TOR1A: variants seen among roughly 807,000 people sequenced by gnomAD.
The protein encoded by TOR1A is torsin family 1 member A.
Under a neutral mutation model 31.4 loss-of-function variants are expected in TOR1A, and 18 were observed. The ratio of observed to expected loss-of-function variants is 0.57; its 90% CI spans 0.40 to 0.85. The LOEUF (loss-of-function observed/expected upper bound fraction) is 0.85. Among genes scored for constraint, TOR1A ranks in the 40% least tolerant of loss-of-function variants. The pLI is 0.00. For synonymous variants in TOR1A, 168 were observed against 165.9 expected (o/e 1.01, Z -0.10); for missense variants, 375 against 416.4 (o/e 0.90, Z 0.87).
rs2030958697 is a variant in TOR1A, at chr9:129,813,791, C to G, written c.*181G>C. ...GGCTTCACGTCCTCGCCCGTGGTCC[C>G]TGGGTGGCCTGCAGGCACCAGGGGG... On this transcript the variant is annotated 3_prime_UTR_variant, in exon 5 of 5. Coordinates refer to ENST00000351698, the MANE Select transcript of TOR1A (RefSeq NM_000113.3). 1 of 921,510 alleles carries G rather than the reference C, an allele frequency of 1.1e-6. No individual in the cohort carries two copies. Among genetic ancestry groups the G allele is most frequent in the African/African-American group, 1.6e-5 (1 of 61,236 alleles). The allele number at this position is 921,510 out of a possible 1,614,324, so 57.1% of individuals were successfully genotyped here.
intron 4 of TOR1A, among the ~76,000 whole-genome samples, chr9:129,816,518 G>GA: frequency 6.6e-6 from 1 of 152,192 alleles, no homozygotes; most frequent in Non-Finnish European, 1.5e-5. Flanking sequence ...ATGTAGGATT[G>GA]ATAAGGGCAA....
In TOR1A at chr9:129,813,915, C is replaced by T; in HGVS notation, c.*57G>A. On this transcript the variant is annotated 3_prime_UTR_variant, in exon 5 of 5. Transcript: ENST00000351698. ...AGCTGGGGGTGGAAGTGTGGAAGGACTGAGTGTTGTTTCTTTTCCAACTCC... is the reference window on the plus strand; with the variant it reads ...AGCTGGGGGTGGAAGTGTGGAAGGATTGAGTGTTGTTTCTTTTCCAACTCC... 1 of 1,606,152 alleles carries T rather than the reference C, an allele frequency of 6.2e-7. No homozygotes were observed. The highest frequency in any genetic ancestry group is 1.3e-5 in the African/African-American group (1 of 74,990).
At position 129,813,300 on chromosome 9, in the gene TOR1A, G is replaced by A. The variant is rs1043866927; in HGVS notation, c.*672C>T. ...CCACAGCTCCCATTGTTGCTAAGGT[G>A]AAAACCCTTGGAGAGGCTGTTTCAG... On this transcript the variant is annotated 3_prime_UTR_variant, in exon 5 of 5. Coordinates refer to ENST00000351698, the MANE Select transcript of TOR1A (RefSeq NM_000113.3). The A allele has an allele frequency of 6.5e-6, 1 of 153,636 alleles. No individual in the cohort carries two copies. Among genetic ancestry groups the A allele is most frequent in the Non-Finnish European group, 1.4e-5 (1 of 69,150 alleles). 9.5% of individuals were successfully genotyped at this position (153,636 alleles called of 1,614,324 possible).
chr9:129,820,473 T>C (rs969192752), intron 2 of TOR1A, among the ~76,000 whole-genome samples: 1 of 152,182 alleles, frequency 6.6e-6, no homozygotes, highest in East Asian at 1.9e-4. Flanking sequence ...GTAGTTACCA[T>C]TGTGCTCCTT....
intron 2 of TOR1A, chr9:129,822,377 C>T: frequency 1.3e-6 from 1 of 741,796 alleles, no homozygotes; most frequent in Non-Finnish European, 2.3e-6. Flanking sequence ...GACCGATTTT[C>T]AGAACCCACC....
chr9:129,819,925 C>T lies in TOR1A; in HGVS notation c.445-1005G>A, dbSNP rs1481787540. ...CAGCCTGGGAGACAGAGCAAGACTCCGTCTCAAAAAAAAAAAATAATAATA... is the reference window on the plus strand; with the variant it reads ...CAGCCTGGGAGACAGAGCAAGACTCTGTCTCAAAAAAAAAAAATAATAATA... On this transcript the variant is annotated intron_variant, in intron 2 of 4. Transcript: ENST00000351698. 3.6e-5 allele frequency among the ~76,000 whole-genome samples: 5 copies of T among 138,140 alleles called. No individual in the cohort carries two copies. In the South Asian group the frequency reaches 6.8e-4, roughly 19 times the overall value. 90.6% of individuals were successfully genotyped at this position (138,140 alleles called of 152,430 possible).
chr9:129,818,522 T>C lies in TOR1A; in HGVS notation c.746A>G (p.Asn249Ser). ...ALSVSVFNNKNSGFWHSSLID... is the reference protein window; with the variant it reads ...ALSVSVFNNKSSGFWHSSLID... ...TGGCGGTGGATGGCCCTACTCACTG[T>C]TCTTGTTATTGAAAACCGACACAGA... Residue 249 changes from asparagine to serine, a missense_variant and splice_region_variant, in exon 4 of 5, where the codon AAC (asparagine) becomes AGC (serine). Asn to Ser is a conservative substitution (Grantham distance 46, BLOSUM62 1). Coordinates refer to ENST00000351698, the MANE Select transcript of TOR1A (RefSeq NM_000113.3). The C allele has an allele frequency of 6.2e-7, 1 of 1,614,098 alleles. No individual in the cohort carries two copies. The highest frequency in any genetic ancestry group is 8.5e-7 in the Non-Finnish European group (1 of 1,180,026).
At chr9:129,817,852 A>AAT (rs1554736273) in intron 4 of TOR1A, among the ~76,000 whole-genome samples, 1 of 148,666 alleles carries the variant, frequency 6.7e-6, no homozygotes, top group Non-Finnish European at 1.5e-5. Flanking sequence ...AAAAAAAAAA[A>AAT]AAAAAAAAAA....
intron 4 of TOR1A, among the ~76,000 whole-genome samples, chr9:129,815,387 C>T (rs969342788): frequency 6.6e-6 from 1 of 152,230 alleles, no homozygotes; most frequent in East Asian, 1.9e-4. Flanking sequence ...GTGCCAGGCA[C>T]GCCCTGGGCC....
chr9:129,815,640 T>C (rs2031017074), intron 4 of TOR1A, among the ~76,000 whole-genome samples: 2 of 152,186 alleles, frequency 1.3e-5, no homozygotes, highest in Admixed American at 1.3e-4. Context: ...AGTCATCTCC[T>C]GAGGACTCCC....
At position 129,822,694 on chromosome 9, in the gene TOR1A, C is replaced by A. The variant is rs755593280; in HGVS notation, c.331G>T (p.Val111Phe). ...HGWTGTGKNF[V>F]SKIIAENIYE... Reference sequence around the variant, plus strand: ...ATATTCTCTGCGATGATCTTGCTGACGAAATTTTTGCCGGTGCCTGTCCAC... The same window carrying A: ...ATATTCTCTGCGATGATCTTGCTGAAGAAATTTTTGCCGGTGCCTGTCCAC... Residue 111 changes from valine (V) to phenylalanine (F), a missense_variant, in exon 2 of 5, where the codon GTC becomes TTC. By Grantham distance (50) the Val-to-Phe change is conservative. Transcript: ENST00000351698. 6.2e-7 allele frequency: 1 copy of A among 1,614,174 alleles called. No homozygotes were observed. The highest frequency in any genetic ancestry group is 1.7e-5 in the Admixed American group (1 of 60,024).
At chr9:129,818,194 T>G (rs1157611745) in intron 4 of TOR1A, 2 of 394,532 alleles carry the variant, frequency 5.1e-6, no homozygotes, top group African/African-American at 4.2e-5. Context: ...TCCCAGCTAC[T>G]CAGGAGGCTG....
chr9:129,823,156 G>A lies in TOR1A; in HGVS notation c.179-310C>T, dbSNP rs1460128924. 9.0e-6 allele frequency: 4 copies of A among 446,258 alleles called. No individual in the cohort carries two copies. The Admixed American group carries it at 1.0e-4, about 12-fold the overall frequency. 27.6% of individuals were successfully genotyped at this position (446,258 alleles called of 1,614,324 possible). A position where few individuals can be genotyped will look rare whatever the true frequency, so the allele number is the denominator to read the frequency against. On this transcript the variant is annotated intron_variant, in intron 1 of 4. Transcript: ENST00000351698. ...GCTCCTCCCACCCCAAGGCAGAGCC[G>A]GGAAAGGAAACAGTTTGGTCCCTCC...
chr9:129,822,650 G>A lies in TOR1A; in HGVS notation c.375C>T (p.Asn125=), dbSNP rs2031212819. The A allele has an allele frequency of 2.5e-6, 4 of 1,614,220 alleles. No homozygotes were observed. The East Asian group carries it at 8.9e-5, about 36-fold the overall frequency. ...CCACAAACAGGTGGACATAGTCACTGTTCAGACCACCCTCGTAAATATTCT... is the reference window on the plus strand; with the variant it reads ...CCACAAACAGGTGGACATAGTCACTATTCAGACCACCCTCGTAAATATTCT... ...IAENIYEGGL[N]SDYVHLFVAT... is the part of the protein sequence containing the mutation. The change falls in exon 2 of 5, where the codon AAC becomes AAT. Residue 125 remains asparagine, a synonymous_variant. Transcript: ENST00000351698.
In TOR1A at chr9:129,822,792, A is replaced by G; in HGVS notation, c.233T>C (p.Ile78Thr). 6.2e-7 allele frequency: 1 copy of G among 1,614,078 alleles called. No individual in the cohort carries two copies. The highest frequency in any genetic ancestry group is 8.5e-7 in the Non-Finnish European group (1 of 1,180,026). Residue 78 changes from isoleucine (I) to threonine (T), a missense_variant, in exon 2 of 5, where the codon ATC (isoleucine) becomes ACC (threonine). Coordinates refer to ENST00000351698, the MANE Select transcript of TOR1A (RefSeq NM_000113.3). ...NLFGQHLAKK[I>T]ILNAVFGFIN... is the part of the protein sequence containing the mutation. ...GAAACCAAACACGGCATTTAAGATGATTTTCTTTGCAAGATGCTGTCCAAA... is the reference window on the plus strand; with the variant it reads ...GAAACCAAACACGGCATTTAAGATGGTTTTCTTTGCAAGATGCTGTCCAAA...
intron 1 of TOR1A, chr9:129,823,289 G>A (rs1251248193): frequency 6.6e-6 from 2 of 305,222 alleles, no homozygotes; most frequent in African/African-American, 4.3e-5. Context: ...CCCCAGCTTA[G>A]CGCAAAGTAG....
chr9:129,814,304 C>A, intron 4 of TOR1A, 82 bp from the exon 5 acceptor site: 1 of 1,603,104 alleles, frequency 6.2e-7, no homozygotes, highest in Non-Finnish European at 8.5e-7. Flanking sequence ...CTTACCTACC[C>A]TCCCATCCGT....
intron 1 of TOR1A, 31 bp downstream of exon 1, chr9:129,823,877 G>T: frequency 1.6e-6 from 2 of 1,237,794 alleles, no homozygotes; most frequent in Non-Finnish European, 2.2e-6. Flanking sequence ...CCCAGCCCCA[G>T]CCCCAGCCTC....
At chr9:129,818,269 C>T in intron 4 of TOR1A, 1 of 548,262 alleles carries the variant, frequency 1.8e-6, no homozygotes, top group Non-Finnish European at 3.2e-6. Context: ...CGCCACTGCA[C>T]TCCAGCCTAG....
Sources: gnomAD v4.1 joint callset for allele counts (sites outside exome capture counted in the v4.1 genomes callset) on GRCh38, gnomAD v4.1.1 for gene constraint, MANE v1.5 for transcripts, NCBI Gene and HGNC (gene_info 2026-07-23, HGNC 2026-07-21) for gene names.